OGDH: variants seen among roughly 807,000 people sequenced by gnomAD.
OGDH encodes 2-oxoglutarate dehydrogenase complex component E1.
OGDH carries 38 observed loss-of-function variants against 116.6 expected under a neutral mutation model. That is an observed-to-expected ratio of 0.33 (90% CI 0.25 to 0.43). OGDH has a LOEUF of 0.43. OGDH is among the 20% of genes least tolerant of loss of function. OGDH has a pLI of 1.00. For missense variants in OGDH, 825 were observed against 1,357.2 expected, an observed-to-expected ratio of 0.61 and a Z score of 6.16; for synonymous variants, 488 against 533.3, an observed-to-expected ratio of 0.92 and a Z score of 1.17.
intron 2 of OGDH, 54 bp from the exon 3 acceptor site, chr7:44,645,273 G>C (rs901876685): frequency 6.6e-7 from 1 of 1,513,922 alleles, no homozygotes; most frequent in African/African-American, 1.4e-5. Context: ...GGCCACAGAT[G>C]CATCCTGGAC....
chr7:44,701,657 G>A lies in OGDH; in HGVS notation c.2632+42G>A, dbSNP rs78220881. ...TGGGCATTTCCTTGGGGGAAGCTAT[G>A]TTTGGGGCTTCTTTGCTGCTGCTCT... On this transcript the variant is annotated intron_variant, in intron 20 of 22. Transcript: ENST00000222673. 3.7e-5 allele frequency: 57 copies of A among 1,554,302 alleles called. No homozygotes were observed. The East Asian group carries it at 1.3e-3, about 35-fold the overall frequency.
chr7:44,611,600 C>T (rs1044116226), intron 1 of OGDH, among the ~76,000 whole-genome samples: 2 of 151,644 alleles, frequency 1.3e-5, no homozygotes, highest in African/African-American at 4.8e-5. Flanking sequence ...TTTGTAGGGA[C>T]GGGTTTTGCC....
intron 10 of OGDH, among the ~76,000 whole-genome samples, chr7:44,689,892 G>GT (rs773920930): frequency 2.1e-4 from 32 of 152,266 alleles, no homozygotes; most frequent in Non-Finnish European, 3.7e-4. Context: ...TAATTTATCT[G>GT]TTTTTTCTTT....
chr7:44,671,042 A>AG (rs1320112958), intron 5 of OGDH, among the ~76,000 whole-genome samples: 6 of 151,950 alleles, frequency 3.9e-5, no homozygotes, highest in East Asian at 1.9e-4. Flanking sequence ...AAGAAAAAAA[A>AG]GAAAATATGG....
chr7:44,700,475 C>T (rs1038023673), intron 19 of OGDH, among the ~76,000 whole-genome samples: 6 of 152,190 alleles, frequency 3.9e-5, no homozygotes, highest in African/African-American at 1.2e-4. Flanking sequence ...TCCTCTTCCC[C>T]GACTGGGCCC....
chr7:44,682,557 T>C (rs1787973741), intron 10 of OGDH, among the ~76,000 whole-genome samples: 1 of 151,842 alleles, frequency 6.6e-6, no homozygotes, highest in African/African-American at 2.4e-5. Context: ...GCTACCTGCT[T>C]GGTGGCGCGC....
Position 44,609,509 on chromosome 7 carries a change from CAAA to C in OGDH, c.-28+2871_-28+2873del, listed in dbSNP as rs56730903. 5.0e-3 allele frequency among the ~76,000 whole-genome samples: 514 copies of C among 103,794 alleles called. 3 individuals carry two copies. Among genetic ancestry groups the C allele is most frequent in the African/African-American group, 0.019 (479 of 25,480 alleles). The allele number at this position is 103,794 out of a possible 152,430, so 68.1% of individuals were successfully genotyped here. A position where few individuals can be genotyped will look rare whatever the true frequency, so the allele number is the denominator to read the frequency against. On this transcript the variant is annotated intron_variant, in intron 1 of 22. Transcript: ENST00000222673. ...TGAGTGACAGAGTGAGACCCTGTCTCAAAAAAAAAAAAAAAAAGGTACTTCATT... is the reference window on the plus strand; with the variant it reads ...TGAGTGACAGAGTGAGACCCTGTCTCAAAAAAAAAAAAAAGGTACTTCATT...
chr7:44,633,780 C>T (rs1030247184), intron 2 of OGDH, among the ~76,000 whole-genome samples: 5 of 152,200 alleles, frequency 3.3e-5, no homozygotes, highest in Non-Finnish European at 7.3e-5. Context: ...CTCAACCAGA[C>T]GACCACAGGT....
rs183483285 is a variant in OGDH at position 44,629,648 on chromosome 7, C to T, written c.222+5083C>T. On this transcript the variant is annotated intron_variant, in intron 2 of 22. Transcript: ENST00000222673. ...AGTCTGGAGTGCAGTGGCGCAGTCTCGGCTCTCTGCAACTTCCGCTTCCTG... is the reference window on the plus strand; with the variant it reads ...AGTCTGGAGTGCAGTGGCGCAGTCTTGGCTCTCTGCAACTTCCGCTTCCTG... Among the ~76,000 whole-genome samples the T allele has an allele frequency of 7.5e-5, 11 of 146,880 alleles. No individual in the cohort carries two copies. In the East Asian group the frequency reaches 1.2e-3, roughly 16 times the overall value.
At chr7:44,692,167 T>C (rs1788392214) in intron 10 of OGDH, among the ~76,000 whole-genome samples, 4 of 151,882 alleles carry the variant, frequency 2.6e-5, no homozygotes, top group Non-Finnish European at 4.4e-5. Flanking sequence ...TAGGATTAGA[T>C]TGCAAAAAAA....
chr7:44,697,099 G>A lies in OGDH; in HGVS notation c.2051+35G>A, dbSNP rs772452384. The stretch of plus-strand genomic sequence containing the variant: ...TGGGCAGTTTTGTTTGCCCTCCAAA[G>A]AGTAGAAGATGGAAAGGGAGGGGTT... On this transcript the variant is annotated intron_variant, in intron 15 of 22. Coordinates refer to ENST00000222673, the MANE Select transcript of OGDH (RefSeq NM_002541.4). The surrounding 1 kb of genome is among the most constrained non-coding windows in gnomAD (Gnocchi z 6.0). The A allele has an allele frequency of 4.4e-6, 7 of 1,599,142 alleles. No homozygotes were observed. The highest frequency in any genetic ancestry group is 6.0e-6 in the Non-Finnish European group (7 of 1,168,318).
chr7:44,639,661 G>C (rs1785840681), intron 2 of OGDH, among the ~76,000 whole-genome samples: 1 of 152,174 alleles, frequency 6.6e-6, no homozygotes. Flanking sequence ...TATACCTCCA[G>C]GTCTTGGCGC....
intron 1 of OGDH, among the ~76,000 whole-genome samples, chr7:44,612,652 G>T (rs1243817971): frequency 6.6e-6 from 1 of 151,894 alleles, no homozygotes; most frequent in Non-Finnish European, 1.5e-5. Flanking sequence ...CAAAGTGCTA[G>T]GATTACAGGC....
rs558008445 is a variant in OGDH at position 44,610,378 on chromosome 7, T to G, written c.-28+3725T>G. On this transcript the variant is annotated intron_variant, in intron 1 of 22. Transcript: ENST00000222673. ...CAGGCTGGAGTGCAGTGGCGTAATC[T>G]CTACAACCTCTGCCTCCCAGGTTCA... 2.6e-5 allele frequency among the ~76,000 whole-genome samples: 4 copies of G among 152,014 alleles called. No individual in the cohort carries two copies. In the South Asian group the frequency reaches 8.3e-4, roughly 32 times the overall value.
chr7:44,654,614 A>T lies in OGDH; in HGVS notation c.517+6855A>T, dbSNP rs138893503. Among the ~76,000 whole-genome samples the T allele has an allele frequency of 1.5e-3, 233 of 152,304 alleles. 1 individual carries two copies. The highest frequency in any genetic ancestry group is 2.4e-3 in the Non-Finnish European group (165 of 68,024). On this transcript the variant is annotated intron_variant, in intron 4 of 22. Coordinates refer to ENST00000222673, the MANE Select transcript of OGDH (RefSeq NM_002541.4). ...ACAGATAACCGAGGAGCTGGAGACG[A>T]GGTTTCCTAAGTGACTCGGGAGGGC...
rs77101672 is a variant in OGDH at position 44,707,422 on chromosome 7, C to T, written c.2796+34C>T. The T allele has an allele frequency of 6.2e-7, 1 of 1,612,010 alleles. No homozygotes were observed. The highest frequency in any genetic ancestry group is 1.3e-5 in the African/African-American group (1 of 75,058). On this transcript the variant is annotated intron_variant, in intron 21 of 22. Coordinates refer to ENST00000222673, the MANE Select transcript of OGDH (RefSeq NM_002541.4). This position sits in a 1 kb window ranked among gnomAD's most constrained non-coding sequence, Gnocchi z 5.2. Reference sequence around the variant, plus strand: ...AGGTGGTGCCATCAGGGTGTCCCCCCAGCGGGGGTCAGGGCTCTGGTGCCT... The same window carrying T: ...AGGTGGTGCCATCAGGGTGTCCCCCTAGCGGGGGTCAGGGCTCTGGTGCCT...
chr7:44,651,168 G>C (rs558752357), intron 4 of OGDH, among the ~76,000 whole-genome samples: 53 of 152,248 alleles, frequency 3.5e-4, no homozygotes, highest in Admixed American at 8.5e-4. Flanking sequence ...TGAGCACCTG[G>C]GTGGTTGGCC....
chr7:44,665,665 A>G (rs1787154518), intron 4 of OGDH, among the ~76,000 whole-genome samples: 1 of 152,198 alleles, frequency 6.6e-6, no homozygotes, highest in African/African-American at 2.4e-5. Flanking sequence ...ACATTTCATC[A>G]GGTCTAGTCA....
chr7:44,676,622 AT>A (rs1562664438), intron 9 of OGDH: 6 of 162,918 alleles, frequency 3.7e-5, no homozygotes, highest in Non-Finnish European at 7.4e-5. Flanking sequence ...GTGTATATAT[AT>A]ATATATATAT....
Sources: allele counts gnomAD v4.1 joint callset (sites outside exome capture counted in the v4.1 genomes callset), GRCh38; gene constraint gnomAD v4.1.1; non-coding constraint Gnocchi (gnomAD v3.1); transcripts MANE v1.5; gene names NCBI Gene and HGNC (gene_info 2026-07-23, HGNC 2026-07-21).